BACH2: variants seen among roughly 807,000 people sequenced by gnomAD.
The protein encoded by BACH2 is BACH transcriptional regulator 2.
In BACH2, 5 loss-of-function variants were observed where a neutral mutation model predicts 61.8. The ratio of observed to expected loss-of-function variants is 0.08; its 90% confidence interval spans 0.04 to 0.17. The LOEUF (loss-of-function observed/expected upper bound fraction) is 0.17. Ranked by LOEUF, BACH2 falls within the 10% of genes least tolerant of loss-of-function variation. The pLI is 1.00. For synonymous variants in BACH2, 446 were observed against 440.1 expected (o/e 1.01, Z -0.17); for missense variants, 824 against 1,091.1 (o/e 0.76, Z 3.45).
intron 5 of BACH2, among the ~76,000 whole-genome samples, chr6:90,086,410 G>T (rs186035521): frequency 1.3e-5 from 2 of 152,028 alleles, no homozygotes; most frequent in Non-Finnish European, 2.9e-5. Flanking sequence ...AGGAACTGTC[G>T]TACTGTTTAG....
At chr6:90,271,774 T>C (rs1266756534) in intron 2 of BACH2, 75 bp downstream of exon 2, 2 of 152,340 alleles carry the variant, frequency 1.3e-5, no homozygotes, top group Non-Finnish European at 2.9e-5. Flanking sequence ...GGGAACACTT[T>C]CACACTGCTG....
intron 1 of BACH2, among the ~76,000 whole-genome samples, chr6:90,283,357 G>A (rs1354164557): frequency 1.3e-5 from 2 of 151,624 alleles, no homozygotes; most frequent in East Asian, 3.9e-4. Context: ...CCAACAATAA[G>A]TGAAAGACCC....
At chr6:90,198,194 T>G (rs1768826934) in intron 4 of BACH2, among the ~76,000 whole-genome samples, 1 of 152,198 alleles carries the variant, frequency 6.6e-6, no homozygotes. Context: ...ATGTAACGGC[T>G]TGCACCTGTG....
At chr6:89,995,841 C>A (rs1776816091) in intron 6 of BACH2, among the ~76,000 whole-genome samples, 1 of 152,134 alleles carries the variant, frequency 6.6e-6, no homozygotes, top group South Asian at 2.1e-4. Flanking sequence ...GAGGCATACC[C>A]CTTAAAAGGT....
chr6:90,203,615 C>T (rs774101088), intron 4 of BACH2, among the ~76,000 whole-genome samples: 15 of 152,046 alleles, frequency 9.9e-5, no homozygotes, highest in Non-Finnish European at 2.1e-4. Context: ...TCAGAATTTA[C>T]AACCATTAAT....
intron 4 of BACH2, among the ~76,000 whole-genome samples, chr6:90,102,241 T>G (rs1052447665): frequency 2.0e-5 from 3 of 152,160 alleles, no homozygotes; most frequent in African/African-American, 7.2e-5. Context: ...TTCCTACTGC[T>G]GCTGACAGCC....
intron 3 of BACH2, among the ~76,000 whole-genome samples, chr6:90,250,817 T>C (rs1285539949): frequency 6.6e-6 from 1 of 152,220 alleles, no homozygotes; most frequent in Admixed American, 6.5e-5. Flanking sequence ...TAACCAAAAA[T>C]TTTTTTAAAT....
intron 6 of BACH2, among the ~76,000 whole-genome samples, chr6:89,974,429 C>G (rs1459687981): frequency 6.6e-6 from 1 of 152,204 alleles, no homozygotes; most frequent in Non-Finnish European, 1.5e-5. Context: ...GTGTTAGACA[C>G]AAGGGATATG....
Position 89,950,187 on chromosome 6 carries a change from T to G in BACH2, c.1836+83A>C. The G allele has an allele frequency of 6.9e-7, 1 of 1,453,710 alleles. No individual in the cohort carries two copies. Among genetic ancestry groups the G allele is most frequent in the Non-Finnish European group, 9.7e-7 (1 of 1,035,500 alleles). 90.1% of individuals were successfully genotyped at this position (1,453,710 alleles called of 1,614,324 possible). Reference sequence around the variant, plus strand: ...TTAATCTTAGCACGTAAGAACAATGTGGGAGTGGTGGGGGGCAGGGAGTAG... The same window carrying G: ...TTAATCTTAGCACGTAAGAACAATGGGGGAGTGGTGGGGGGCAGGGAGTAG... On this transcript the variant is annotated intron_variant, in intron 7 of 8. Transcript: ENST00000257749. The surrounding 1 kb of genome is among the most constrained non-coding windows in gnomAD (Gnocchi z 5.3).
chr6:90,103,633 G>C (rs942207379), intron 4 of BACH2, among the ~76,000 whole-genome samples: 1 of 152,104 alleles, frequency 6.6e-6, no homozygotes. Flanking sequence ...GACTGCTCTG[G>C]GTGATGCTTT....
intron 6 of BACH2, among the ~76,000 whole-genome samples, chr6:89,991,819 GAC>G (rs1776591353): frequency 6.6e-6 from 1 of 151,708 alleles, no homozygotes; most frequent in Admixed American, 6.6e-5. Flanking sequence ...TGTCTTTCAT[GAC>G]AGTGATATTT....
At chr6:89,935,143 G>A (rs906297591) in intron 8 of BACH2, among the ~76,000 whole-genome samples, 6 of 152,062 alleles carry the variant, frequency 3.9e-5, no homozygotes, top group Non-Finnish European at 5.9e-5. Context: ...GCTGGGGACC[G>A]GGCAGGGCAG....
At chr6:90,013,952 CT>C (rs1339293110) in intron 5 of BACH2, among the ~76,000 whole-genome samples, 1 of 151,824 alleles carries the variant, frequency 6.6e-6, no homozygotes, top group Non-Finnish European at 1.5e-5. Flanking sequence ...CTAATTATTT[CT>C]TATTTTTTTT....
At chr6:90,096,811 A>G (rs1200613595) in intron 4 of BACH2, among the ~76,000 whole-genome samples, 1 of 151,966 alleles carries the variant, frequency 6.6e-6, no homozygotes, top group Non-Finnish European at 1.5e-5. Flanking sequence ...TTCTTCCCCA[A>G]CAGAGGCTCT....
intron 3 of BACH2, among the ~76,000 whole-genome samples, chr6:90,222,589 T>C (rs776335341): frequency 8.7e-4 from 132 of 152,336 alleles, no homozygotes; most frequent in Admixed American, 1.6e-3. Flanking sequence ...ATTGTTCCTT[T>C]TGAGCTTGCT....
chr6:89,972,256 C>T (rs1305243911), intron 6 of BACH2, among the ~76,000 whole-genome samples: 2 of 152,096 alleles, frequency 1.3e-5, no homozygotes, highest in Admixed American at 1.3e-4. Context: ...ACTCCTTTGG[C>T]TGCATTTGGG....
intron 4 of BACH2, among the ~76,000 whole-genome samples, chr6:90,169,305 T>C (rs1767733773): frequency 6.6e-6 from 1 of 152,200 alleles, no homozygotes; most frequent in African/African-American, 2.4e-5. Context: ...TCTCCCCAAT[T>C]TTTTACTGTG....
At chr6:90,217,739 G>C (rs1399312441) in intron 3 of BACH2, among the ~76,000 whole-genome samples, 1 of 152,102 alleles carries the variant, frequency 6.6e-6, no homozygotes, top group Non-Finnish European at 1.5e-5. Flanking sequence ...GAATGAGCGG[G>C]AGACAATTTT....
chr6:90,049,597 G>A (rs1356093054), intron 5 of BACH2, among the ~76,000 whole-genome samples: 2 of 152,148 alleles, frequency 1.3e-5, no homozygotes, highest in East Asian at 3.9e-4. Flanking sequence ...ACGTAATGGT[G>A]GGTAAAACTG....
Sources: allele counts gnomAD v4.1 joint callset (sites outside exome capture counted in the v4.1 genomes callset), GRCh38; gene constraint gnomAD v4.1.1; non-coding constraint Gnocchi (gnomAD v3.1); transcripts MANE v1.5; gene names NCBI Gene and HGNC (gene_info 2026-07-23, HGNC 2026-07-21).